The following PCDH15 variants were observed in gnomAD, a reference collection of about 807,000 sequenced individuals.
The protein encoded by PCDH15 is protocadherin related 15, also known as protocadherin-15.
In PCDH15, 129 loss-of-function variants were observed where a neutral mutation model predicts 178.5. The ratio of observed to expected loss-of-function variants is 0.72; its 90% confidence interval spans 0.63 to 0.84. The LOEUF (loss-of-function observed/expected upper bound fraction) is 0.84, where lower values mean the gene tolerates loss of function less well. Among genes scored for constraint, PCDH15 ranks in the 40% least tolerant of loss-of-function variants. The pLI, the probability that PCDH15 is intolerant of heterozygous loss-of-function variation, is 0.00. For synonymous variants in PCDH15, 800 were observed against 732.0 expected, an observed-to-expected ratio of 1.09 and a Z score of -1.50; for missense variants, 2,230 against 2,099.9, an observed-to-expected ratio of 1.06 and a Z score of -1.21.
intron 14 of PCDH15, among the ~76,000 whole-genome samples, chr10:54,148,633 T>A (rs556641645): frequency 2.5e-4 from 38 of 152,158 alleles, no homozygotes; most frequent in African/African-American, 8.9e-4. Flanking sequence ...TTTGGCCACA[T>A]CCAACTAAAT....
At chr10:54,833,580 C>T (rs1369337126) in intron 3 of PCDH15, among the ~76,000 whole-genome samples, 1 of 152,176 alleles carries the variant, frequency 6.6e-6, no homozygotes, top group Non-Finnish European at 1.5e-5. Context: ...TCTGAATTTT[C>T]AGCCCTACAG....
intron 3 of PCDH15, among the ~76,000 whole-genome samples, chr10:54,850,234 A>G (rs2131764629): frequency 6.6e-6 from 1 of 152,282 alleles, no homozygotes; most frequent in African/African-American, 2.4e-5. Flanking sequence ...TCAATACTCG[A>G]TTTGTGAAAT....
chr10:53,851,937 A>G (rs766200082), intron 28 of PCDH15, among the ~76,000 whole-genome samples: 2 of 151,684 alleles, frequency 1.3e-5, no homozygotes, highest in Non-Finnish European at 2.9e-5. Flanking sequence ...AAGCTCTACT[A>G]TAATTGAATT....
Position 55,193,168 on chromosome 10 carries a change from C to A in PCDH15, c.-155-26517G>T, listed in dbSNP as rs538946286. On this transcript the variant is annotated intron_variant, in intron 1 of 5. Coordinates refer to the PCDH15 transcript ENST00000458638. ...TTGATGTGTCATGCAGGAATTTTTC[C>A]CCTCACGAGTTATGTCAGAAATTCT... Among the ~76,000 whole-genome samples the A allele has an allele frequency of 4.6e-4, 70 of 151,634 alleles. 1 individual carries two copies. The highest frequency in any genetic ancestry group is 1.7e-3 in the African/African-American group (69 of 41,336).
chr10:54,643,768 TTTTC>T (rs2094051260), intron 2 of PCDH15, among the ~76,000 whole-genome samples: 1 of 145,620 alleles, frequency 6.9e-6, no homozygotes, highest in Non-Finnish European at 1.5e-5. Flanking sequence ...GTTTCAGTTA[TTTTC>T]TTTTTTTTTT....
intron 3 of PCDH15, among the ~76,000 whole-genome samples, chr10:54,450,689 A>T (rs1589471553): frequency 6.6e-6 from 1 of 151,774 alleles, no homozygotes; most frequent in Non-Finnish European, 1.5e-5. Flanking sequence ...CCACAAAGGG[A>T]ATTTACTAGC....
intron 2 of PCDH15, among the ~76,000 whole-genome samples, chr10:55,391,715 T>G (rs2132014261): frequency 6.6e-6 from 1 of 152,224 alleles, no homozygotes; most frequent in East Asian, 1.9e-4. Flanking sequence ...CTCAAACTCC[T>G]GACCTTGTGA....
At chr10:55,341,805 A>ATATT (rs1565032576) in intron 2 of PCDH15, among the ~76,000 whole-genome samples, 10 of 16,300 alleles carry the variant, frequency 6.1e-4, no homozygotes, top group East Asian at 2.1e-3. Flanking sequence ...ATATATATAT[A>ATATT]TTTTTTTTTT....
chr10:54,737,344 C>T (rs1247417506), intron 1 of PCDH15, among the ~76,000 whole-genome samples: 1 of 151,952 alleles, frequency 6.6e-6, no homozygotes, highest in Admixed American at 6.6e-5. Flanking sequence ...CTTTGAATCA[C>T]CCACTATACT....
At chr10:54,359,359 T>C (rs1945616729) in intron 5 of PCDH15, among the ~76,000 whole-genome samples, 1 of 151,912 alleles carries the variant, frequency 6.6e-6, no homozygotes, top group Non-Finnish European at 1.5e-5. Context: ...ACAAAAAATG[T>C]ACTATATTAA....
At chr10:55,549,906 G>A (rs1021613200) in intron 2 of PCDH15, among the ~76,000 whole-genome samples, 14 of 143,960 alleles carry the variant, frequency 9.7e-5, no homozygotes, top group Admixed American at 1.4e-4. Flanking sequence ...TACGCCTCAC[G>A]CATGTGTTTC....
intron 1 of PCDH15, among the ~76,000 whole-genome samples, chr10:54,793,462 T>A (rs903970157): frequency 6.6e-6 from 1 of 151,636 alleles, no homozygotes; most frequent in Non-Finnish European, 1.5e-5. Flanking sequence ...TTAGAAAAAT[T>A]TATTTTTCTA....
At chr10:54,379,496 C>A (rs1948909266) in intron 3 of PCDH15, among the ~76,000 whole-genome samples, 2 of 152,034 alleles carry the variant, frequency 1.3e-5, no homozygotes, top group South Asian at 2.1e-4. Flanking sequence ...GGAATAGAAG[C>A]CATTCTTCTT....
intron 2 of PCDH15, among the ~76,000 whole-genome samples, chr10:55,043,300 T>C (rs1840914202): frequency 6.6e-6 from 1 of 152,062 alleles, no homozygotes; most frequent in Non-Finnish European, 1.5e-5. Flanking sequence ...TCATCTGTCC[T>C]TTTTTTATAG....
At chr10:54,573,890 A>T (rs1279414917) in intron 2 of PCDH15, among the ~76,000 whole-genome samples, 1 of 152,150 alleles carries the variant, frequency 6.6e-6, no homozygotes, top group Non-Finnish European at 1.5e-5. Context: ...ATTTAAAAAA[A>T]ATTTGTTTGA....
intron 1 of PCDH15, among the ~76,000 whole-genome samples, chr10:54,784,659 T>A (rs1465164264): frequency 6.7e-6 from 1 of 149,720 alleles, no homozygotes; most frequent in Non-Finnish European, 1.5e-5. Flanking sequence ...CATGAAATCA[T>A]GCAAAAGTAG....
chr10:54,611,491 C>T (rs546474055), intron 2 of PCDH15, among the ~76,000 whole-genome samples: 5 of 151,678 alleles, frequency 3.3e-5, no homozygotes, highest in Non-Finnish European at 7.4e-5. Context: ...TTGTTTTGTT[C>T]GGATAATTAG....
At chr10:54,833,348 T>A (rs1953258585) in intron 3 of PCDH15, among the ~76,000 whole-genome samples, 3 of 152,218 alleles carry the variant, frequency 2.0e-5, no homozygotes, top group African/African-American at 7.2e-5. Context: ...ATTTTTTAGA[T>A]GTGAATGACA....
At chr10:53,954,573 T>A (rs1407111360) in intron 23 of PCDH15, among the ~76,000 whole-genome samples, 2 of 152,250 alleles carry the variant, frequency 1.3e-5, no homozygotes, top group Non-Finnish European at 2.9e-5. Context: ...GCTTTCATTT[T>A]TATTTTCTTT....
Sources: gnomAD v4.1 joint callset for allele counts (sites outside exome capture counted in the v4.1 genomes callset) on GRCh38, gnomAD v4.1.1 for gene constraint, MANE v1.5 for transcripts, NCBI Gene and HGNC (gene_info 2026-07-23, HGNC 2026-07-21) for gene names.